BBX: variants seen among roughly 807,000 people sequenced by gnomAD.
The protein encoded by BBX is BBX high mobility group box domain containing, also known as HMG box transcription factor BBX.
Under a neutral mutation model 100.2 loss-of-function variants are expected in BBX, and 30 were observed. The observed-to-expected ratio is 0.30, with a 90% CI of 0.22 to 0.41. BBX has a LOEUF of 0.41. Ranked by LOEUF, BBX falls within the 10% of genes least tolerant of loss-of-function variation. BBX has a pLI of 1.00. For missense variants in BBX, 1,023 were observed against 1,129.8 expected (o/e 0.91, Z 1.35); for synonymous variants, 376 against 388.1 (o/e 0.97, Z 0.37).
intron 8 of BBX, among the ~76,000 whole-genome samples, chr3:107,745,691 C>T (rs1484604145): frequency 2.0e-5 from 3 of 151,900 alleles, no homozygotes; most frequent in Non-Finnish European, 4.4e-5. Context: ...TGATCTCAGG[C>T]GATCGTCCCA....
intron 2 of BBX, among the ~76,000 whole-genome samples, chr3:107,527,070 A>C (rs1233565690): frequency 6.6e-6 from 1 of 152,220 alleles, no homozygotes; most frequent in East Asian, 1.9e-4. Context: ...TATGACTCCC[A>C]AGTGGAAAAA....
At chr3:107,761,549 A>G (rs1265072418) in intron 10 of BBX, among the ~76,000 whole-genome samples, 2 of 152,190 alleles carry the variant, frequency 1.3e-5, no homozygotes, top group Non-Finnish European at 2.9e-5. Context: ...GAGTGAGTCA[A>G]TGTGAGAGGC....
chr3:107,688,040 C>T (rs1576339999), intron 3 of BBX, among the ~76,000 whole-genome samples: 1 of 151,864 alleles, frequency 6.6e-6, no homozygotes, highest in Admixed American at 6.6e-5. Flanking sequence ...GCGTGATGAG[C>T]GAAACTCCAT....
chr3:107,596,155 A>G (rs186225109), intron 2 of BBX, among the ~76,000 whole-genome samples: 209 of 152,306 alleles, frequency 1.4e-3, no homozygotes, highest in African/African-American at 4.7e-3. Flanking sequence ...TATAGACAGC[A>G]CACTCATCTC....
intron 3 of BBX, among the ~76,000 whole-genome samples, chr3:107,666,945 T>A (rs1429337819): frequency 1.3e-5 from 2 of 152,098 alleles, no homozygotes; most frequent in Non-Finnish European, 2.9e-5. Flanking sequence ...CATAAAACAC[T>A]CAAGATTCAC....
intron 7 of BBX, among the ~76,000 whole-genome samples, chr3:107,743,135 A>C (rs1324992312): frequency 6.6e-6 from 1 of 152,192 alleles, no homozygotes; most frequent in African/African-American, 2.4e-5. Context: ...CTGTTTTATT[A>C]AAGTTTTATG....
chr3:107,555,749 T>C (rs2050053826), intron 2 of BBX, among the ~76,000 whole-genome samples: 1 of 152,190 alleles, frequency 6.6e-6, no homozygotes, highest in Non-Finnish European at 1.5e-5. Context: ...TGTGAAATCA[T>C]GGATGAAGCA....
At chr3:107,724,872 G>A (rs972315837) in intron 5 of BBX, among the ~76,000 whole-genome samples, 10 of 152,152 alleles carry the variant, frequency 6.6e-5, no homozygotes, top group African/African-American at 2.4e-4. Flanking sequence ...TTTTGCTTAG[G>A]ATTGACTTGG....
chr3:107,754,826 A>G (rs1418518350), intron 9 of BBX, among the ~76,000 whole-genome samples: 2 of 152,238 alleles, frequency 1.3e-5, no homozygotes, highest in Non-Finnish European at 2.9e-5. Context: ...AATGTCTTTA[A>G]GAATGTATGT....
At chr3:107,772,050 A>G (rs1240549281) in intron 10 of BBX, among the ~76,000 whole-genome samples, 3 of 151,950 alleles carry the variant, frequency 2.0e-5, no homozygotes, top group Non-Finnish European at 4.4e-5. Context: ...TTTTTGGTTT[A>G]AGAATTCTCA....
intron 2 of BBX, among the ~76,000 whole-genome samples, chr3:107,605,209 T>C (rs1313054311): frequency 1.3e-5 from 2 of 152,202 alleles, no homozygotes; most frequent in African/African-American, 4.8e-5. Context: ...AGGTGATTTG[T>C]GTACAGTTCA....
At chr3:107,667,281 A>T (rs374544487) in intron 3 of BBX, among the ~76,000 whole-genome samples, 1 of 152,326 alleles carries the variant, frequency 6.6e-6, no homozygotes, top group South Asian at 2.1e-4. Context: ...CCTGTTAAGT[A>T]TTCACATTAA....
intron 3 of BBX, among the ~76,000 whole-genome samples, chr3:107,677,004 T>C (rs2059315464): frequency 6.6e-6 from 1 of 152,106 alleles, no homozygotes; most frequent in South Asian, 2.1e-4. Flanking sequence ...TGAAGGTTGG[T>C]TGTTCATGAA....
intron 15 of BBX, among the ~76,000 whole-genome samples, chr3:107,793,707 A>G (rs1193327228): frequency 6.6e-6 from 1 of 152,164 alleles, no homozygotes; most frequent in Non-Finnish European, 1.5e-5. Context: ...TTAGACAGGC[A>G]TTGTTTGTAG....
chr3:107,550,846 A>G (rs1415645377), intron 2 of BBX, among the ~76,000 whole-genome samples: 2 of 152,194 alleles, frequency 1.3e-5, no homozygotes, highest in Admixed American at 6.5e-5. Flanking sequence ...CATAGGGACT[A>G]TAGAGACCTG....
chr3:107,742,182 T>C (rs751121525), intron 7 of BBX, among the ~76,000 whole-genome samples: 1 of 152,204 alleles, frequency 6.6e-6, no homozygotes, highest in Non-Finnish European at 1.5e-5. Context: ...CTGTTTTCCC[T>C]ATTCAATTTG....
At chr3:107,732,888 CT>C in intron 6 of BBX, 67 bp from the exon 7 acceptor site, 3 of 1,316,990 alleles carry the variant, frequency 2.3e-6, no homozygotes, top group Non-Finnish European at 2.2e-6. Context: ...TATGAGTATT[CT>C]TTTTGACTCT....
chr3:107,796,935 G>A (rs1247515175), intron 15 of BBX, among the ~76,000 whole-genome samples: 1 of 152,104 alleles, frequency 6.6e-6, no homozygotes, highest in Non-Finnish European at 1.5e-5. Flanking sequence ...GCATTGCCAA[G>A]TAGTTTTTTA....
At chr3:107,747,778 T>A (rs2064746603) in intron 8 of BBX, among the ~76,000 whole-genome samples, 187 bp from the exon 9 acceptor site, 2 of 152,122 alleles carry the variant, frequency 1.3e-5, no homozygotes, top group Non-Finnish European at 1.5e-5. Flanking sequence ...TTCTTTATAA[T>A]CATCTGTTTT....
Sources: gnomAD v4.1 joint callset for allele counts (sites outside exome capture counted in the v4.1 genomes callset) on GRCh38, gnomAD v4.1.1 for gene constraint, MANE v1.5 for transcripts, NCBI Gene and HGNC (gene_info 2026-07-23, HGNC 2026-07-21) for gene names.